Variants in ZNF704 observed in about 807,000 individuals in gnomAD.
ZNF704 encodes the protein glucocorticoid induced gene 1.
In ZNF704, 10 loss-of-function variants were observed where a neutral mutation model predicts 44.7. That is an observed-to-expected ratio of 0.22 (90% CI 0.14 to 0.38). The LOEUF (loss-of-function observed/expected upper bound fraction) is 0.38, where lower values mean the gene tolerates loss of function less well. Ranked by LOEUF, ZNF704 falls within the 10% of genes least tolerant of loss-of-function variation. The pLI, the probability that ZNF704 is intolerant of heterozygous loss-of-function variation, is 1.00. For missense variants in ZNF704, 390 were observed against 545.5 expected, an observed-to-expected ratio of 0.71 and a Z score of 2.84; for synonymous variants, 211 against 207.6, an observed-to-expected ratio of 1.02 and a Z score of -0.14.
the ZNF704 span, among the ~76,000 whole-genome samples, chr8:80,880,315 G>T: frequency 1.3e-5 from 2 of 152,138 alleles, no homozygotes; most frequent in African/African-American, 4.8e-5. Flanking sequence ...TGGATGGCCT[G>T]CACCAAACCA....
intron 2 of ZNF704, among the ~76,000 whole-genome samples, chr8:80,701,494 G>A (rs866574145): frequency 2.2e-4 from 34 of 152,006 alleles, no homozygotes; most frequent in African/African-American, 7.7e-4. Context: ...TTTGCTTTTT[G>A]AAGCCACTGC....
intron 2 of ZNF704, among the ~76,000 whole-genome samples, chr8:80,742,051 C>T (rs995458304): frequency 6.6e-6 from 1 of 152,156 alleles, no homozygotes; most frequent in Admixed American, 6.6e-5. Context: ...CTTCCGAGAA[C>T]ACCTATCAAA....
rs1206232703 is a variant in ZNF704 at position 80,631,121 on chromosome 8, T to C, written c.*10245A>G. On this transcript the variant is annotated 3_prime_UTR_variant, in exon 9 of 9. Coordinates refer to ENST00000327835, the MANE Select transcript of ZNF704 (RefSeq NM_001033723.3). ...GTTGGTCACATCACAGCCATCGATT[T>C]CCAATAAGCAGAGTATGGAAAAAAG... 6.6e-6 allele frequency: 1 copy of C among 152,208 alleles called. No homozygotes were observed. The highest frequency in any genetic ancestry group is 1.5e-5 in the Non-Finnish European group (1 of 68,042). The allele number at this position is 152,208 out of a possible 1,614,324, so 9.4% of individuals were successfully genotyped here.
chr8:80,831,456 A>C lies in ZNF704; in HGVS notation c.-21-9841T>G, dbSNP rs181753925. 3.1e-3 allele frequency among the ~76,000 whole-genome samples: 466 copies of C among 152,296 alleles called. 1 individual carries two copies. The highest frequency in any genetic ancestry group is 0.018 in the Admixed American group (282 of 15,302). On this transcript the variant is annotated intron_variant, in intron 1 of 8. Coordinates refer to ENST00000327835, the MANE Select transcript of ZNF704 (RefSeq NM_001033723.3). Reference sequence around the variant, plus strand: ...CTAAATTAGCTTGCTGCTTCTTTGAAGCTGGTATCAATTATGTGATTCATA... The same window carrying C: ...CTAAATTAGCTTGCTGCTTCTTTGACGCTGGTATCAATTATGTGATTCATA...
At position 80,641,021 on chromosome 8, in the gene ZNF704, G is replaced by T; in HGVS notation, c.*345C>A. Reference sequence around the variant, plus strand: ...TAATTCAGAAAGCTTATCAAAATATGCCTCCTTTCTAGGTAAAATGGGCTT... The same window carrying T: ...TAATTCAGAAAGCTTATCAAAATATTCCTCCTTTCTAGGTAAAATGGGCTT... On this transcript the variant is annotated 3_prime_UTR_variant, in exon 9 of 9. Coordinates refer to ENST00000327835, the MANE Select transcript of ZNF704 (RefSeq NM_001033723.3). 1 of 168,682 alleles carries T rather than the reference G, an allele frequency of 5.9e-6. No homozygotes were observed. Among genetic ancestry groups the T allele is most frequent in the East Asian group, 1.6e-4 (1 of 6,172 alleles). 10.4% of individuals were successfully genotyped at this position (168,682 alleles called of 1,614,324 possible).
At chr8:80,835,314 T>C (rs1226001298) in intron 1 of ZNF704, among the ~76,000 whole-genome samples, 2 of 152,260 alleles carry the variant, frequency 1.3e-5, no homozygotes, top group East Asian at 1.9e-4. Context: ...CCAAAATGCA[T>C]GAGACACGTC....
rs1226004067 is a variant in ZNF704, at chr8:80,870,701, C to T, written c.-22+3870G>A. Among the ~76,000 whole-genome samples the T allele has an allele frequency of 2.0e-5, 3 of 152,122 alleles. No homozygotes were observed. The South Asian group carries it at 6.2e-4, about 32-fold the overall frequency. Reference sequence around the variant, plus strand: ...CCCAAACTTAAATAGTGCTGTGCCCCAGAATCAGGCCCCAGGCTCTCCTCT... The same window carrying T: ...CCCAAACTTAAATAGTGCTGTGCCCTAGAATCAGGCCCCAGGCTCTCCTCT... On this transcript the variant is annotated intron_variant, in intron 1 of 8. Transcript: ENST00000327835.
chr8:80,716,613 A>T (rs1381796348), intron 2 of ZNF704, among the ~76,000 whole-genome samples: 1 of 152,256 alleles, frequency 6.6e-6, no homozygotes, highest in Non-Finnish European at 1.5e-5. Context: ...TTTTGGATAG[A>T]TGTCTAATTG....
intron 2 of ZNF704, 48 bp from the exon 3 acceptor site, chr8:80,693,155 G>T: frequency 6.6e-7 from 1 of 1,523,038 alleles, no homozygotes; most frequent in Non-Finnish European, 9.1e-7. Flanking sequence ...TGCATCTGCT[G>T]TGGGCCACAC....
intron 1 of ZNF704, among the ~76,000 whole-genome samples, chr8:80,840,005 G>C (rs1264983298): frequency 3.9e-5 from 6 of 152,228 alleles, no homozygotes; most frequent in Non-Finnish European, 5.9e-5. Flanking sequence ...GAGGCAGAGA[G>C]CAAGTTTTGC....
At chr8:80,825,216 A>G (rs2129902122) in intron 1 of ZNF704, among the ~76,000 whole-genome samples, 1 of 152,318 alleles carries the variant, frequency 6.6e-6, no homozygotes, top group Middle Eastern at 3.4e-3. Context: ...CTCAAAATAA[A>G]GGGATGGAGG....
intron 2 of ZNF704, among the ~76,000 whole-genome samples, chr8:80,806,423 G>A (rs1807990382): frequency 6.6e-6 from 1 of 152,070 alleles, no homozygotes; most frequent in South Asian, 2.1e-4. Flanking sequence ...CTATTATCTG[G>A]ACTAAATATC....
intron 2 of ZNF704, among the ~76,000 whole-genome samples, chr8:80,723,109 TAACAA>T (rs1440740590): frequency 6.6e-6 from 1 of 152,204 alleles, no homozygotes; most frequent in Non-Finnish European, 1.5e-5. Flanking sequence ...ATGATACTAA[TAACAA>T]AACTACAAAG....
At chr8:80,764,494 G>A (rs1335903162) in intron 2 of ZNF704, among the ~76,000 whole-genome samples, 2 of 152,080 alleles carry the variant, frequency 1.3e-5, no homozygotes, top group Non-Finnish European at 1.5e-5. Flanking sequence ...TCCCTCCCTC[G>A]ACACATGGGG....
intron 2 of ZNF704, among the ~76,000 whole-genome samples, chr8:80,748,550 T>C (rs1467772273): frequency 6.6e-6 from 1 of 152,218 alleles, no homozygotes; most frequent in African/African-American, 2.4e-5. Flanking sequence ...AACCAACGTA[T>C]TAGCAACGTC....
intron 7 of ZNF704, among the ~76,000 whole-genome samples, chr8:80,651,874 GCACCA>G (rs1231754207): frequency 6.6e-6 from 1 of 152,072 alleles, no homozygotes; most frequent in African/African-American, 2.4e-5. Flanking sequence ...ATTCTTCTCA[GCACCA>G]CACCACACCT....
At position 80,847,178 on chromosome 8, in the gene ZNF704, T is replaced by C. The variant is rs929919490; in HGVS notation, c.-21-25563A>G. 8.6e-5 allele frequency among the ~76,000 whole-genome samples: 13 copies of C among 151,792 alleles called. No homozygotes were observed. The South Asian group carries it at 2.1e-3, about 24-fold the overall frequency. ...ACAGAGTGAGACTCCATCTTAAAAA[T>C]AAAATAAAATAAAATATAAAATAAA... On this transcript the variant is annotated intron_variant, in intron 1 of 8. Transcript: ENST00000327835.
At chr8:80,721,486 T>C (rs2046785) in intron 2 of ZNF704, among the ~76,000 whole-genome samples, 1 of 152,184 alleles carries the variant, frequency 6.6e-6, no homozygotes, top group African/African-American at 2.4e-5. Flanking sequence ...ATTTATATTG[T>C]TAATCTTACT....
chr8:80,877,101 A>G (rs1809364442), upstream of ZNF704, among the ~76,000 whole-genome samples: 1 of 134,374 alleles, frequency 7.4e-6, no homozygotes, highest in African/African-American at 2.8e-5. Flanking sequence ...AAATCAGCTT[A>G]TTGTTTCTCT....
Sources: allele counts gnomAD v4.1 joint callset (sites outside exome capture counted in the v4.1 genomes callset), GRCh38; gene constraint gnomAD v4.1.1; transcripts MANE v1.5; gene names NCBI Gene and HGNC (gene_info 2026-07-23, HGNC 2026-07-21).